MMP16: variants seen among roughly 807,000 people sequenced by gnomAD.
The protein encoded by MMP16 is matrix metallopeptidase 16.
MMP16 carries 12 observed loss-of-function variants against 67.8 expected under a neutral mutation model. That is an observed-to-expected ratio of 0.18 (90% CI 0.11 to 0.29). MMP16 has a LOEUF of 0.29. MMP16 is among the 10% of genes least tolerant of loss of function. The pLI is 1.00. For synonymous variants in MMP16, 249 were observed against 255.9 expected, an observed-to-expected ratio of 0.97 and a Z score of 0.26; for missense variants, 475 against 765.7, an observed-to-expected ratio of 0.62 and a Z score of 4.48.
intron 3 of MMP16, among the ~76,000 whole-genome samples, chr8:88,173,192 C>G (rs1808832515): frequency 6.6e-6 from 1 of 152,044 alleles, no homozygotes; most frequent in Non-Finnish European, 1.5e-5. Context: ...GCTGGGACTA[C>G]AGTTGTGCAC....
chr8:88,264,031 C>CATAT (rs1491101969), intron 1 of MMP16, among the ~76,000 whole-genome samples: 786 of 40,310 alleles, frequency 0.019, 6 homozygotes, highest in African/African-American at 0.026. Flanking sequence ...ACAAAAATGG[C>CATAT]ACATATATAT....
At chr8:88,161,149 A>G (rs1288568174) in intron 4 of MMP16, among the ~76,000 whole-genome samples, 1 of 152,202 alleles carries the variant, frequency 6.6e-6, no homozygotes, top group Non-Finnish European at 1.5e-5. Flanking sequence ...TACCTCTGGT[A>G]GAATTCGGCT....
chr8:88,106,887 G>C (rs1287124588), intron 6 of MMP16, among the ~76,000 whole-genome samples: 1 of 151,010 alleles, frequency 6.6e-6, no homozygotes, highest in Admixed American at 6.6e-5. Flanking sequence ...TTTCAGCCAT[G>C]TAGAAATGTC....
intron 7 of MMP16, among the ~76,000 whole-genome samples, chr8:88,059,435 T>C (rs897626530): frequency 1.3e-5 from 2 of 152,278 alleles, no homozygotes; most frequent in Non-Finnish European, 1.5e-5. Flanking sequence ...CTAGTATCTA[T>C]AGTTATCTGA....
chr8:88,166,456 C>A (rs75848550), intron 4 of MMP16, among the ~76,000 whole-genome samples: 8,357 of 151,436 alleles, frequency 0.055, 362 homozygotes, highest in Admixed American at 0.11. Context: ...ATTAAGTAAC[C>A]ACTCTCATAT....
chr8:88,294,553 T>C (rs967200866), intron 1 of MMP16, among the ~76,000 whole-genome samples: 1 of 151,614 alleles, frequency 6.6e-6, no homozygotes, highest in Admixed American at 6.6e-5. Flanking sequence ...TATGTATATA[T>C]GTCTCTATAC....
At position 88,169,860 on chromosome 8, in the gene MMP16, G is replaced by A. The variant is rs558800787; in HGVS notation, c.405-1887C>T. Among the ~76,000 whole-genome samples the A allele has an allele frequency of 2.0e-5, 3 of 152,240 alleles. No individual in the cohort carries two copies. The East Asian group carries it at 5.8e-4, about 29-fold the overall frequency. ...CGAAGGCCACTCTAAATAGAGTTTG[G>A]CTTTTGCTCTGAGAAATGAAAAACT... On this transcript the variant is annotated intron_variant, in intron 3 of 9. Transcript: ENST00000286614.
In MMP16 at chr8:88,290,552, CA is replaced by C. The variant is rs546607293; in HGVS notation, c.132+36522del. 6.9e-4 allele frequency among the ~76,000 whole-genome samples: 97 copies of C among 141,502 alleles called. 1 individual carries two copies. The highest frequency in any genetic ancestry group is 3.7e-3 in the Middle Eastern group (1 of 268). 92.8% of individuals were successfully genotyped at this position (141,502 alleles called of 152,430 possible). ...TGGGCGACAGAGTGAGACTCCGTCT[CA>C]AAAAAAAAAAATTGACCTAATTATT... On this transcript the variant is annotated intron_variant, in intron 1 of 9. Transcript: ENST00000286614.
chr8:88,191,596 C>T (rs1809169801), intron 2 of MMP16, among the ~76,000 whole-genome samples: 2 of 152,110 alleles, frequency 1.3e-5, no homozygotes, highest in African/African-American at 4.8e-5. Flanking sequence ...AAATAAACAA[C>T]TTCACTGTCC....
In MMP16 at chr8:88,186,602, CAAAAAAAAAAAAA is replaced by C. The variant is rs4043665; in HGVS notation, c.282-17_282-5del. On this transcript the variant is annotated splice_region_variant and splice_polypyrimidine_tract_variant and intron_variant, in intron 2 of 9. Coordinates refer to ENST00000286614, the MANE Select transcript of MMP16 (RefSeq NM_005941.5). ...GCATCGGGGCTTCTTCATCCAGCTG[CAAAAAAAAAAAAA>C]AAAAAAAAAAAGCAGTATTTTCCAG... is the stretch of plus-strand genomic sequence containing the variant. 6 of 1,168,274 alleles carry C rather than the reference CAAAAAAAAAAAAA, an allele frequency of 5.1e-6. No individual in the cohort carries two copies. The highest frequency in any genetic ancestry group is 6.6e-5 in the East Asian group (2 of 30,194). The allele number at this position is 1,168,274 out of a possible 1,614,324, so 72.4% of individuals were successfully genotyped here.
intron 6 of MMP16, among the ~76,000 whole-genome samples, chr8:88,107,593 A>T (rs1247207691): frequency 1.3e-5 from 2 of 151,188 alleles, no homozygotes; most frequent in Non-Finnish European, 3.0e-5. Flanking sequence ...ATTAGAGTGA[A>T]TCTTTTAATC....
At chr8:88,178,385 C>G (rs1808926748) in intron 3 of MMP16, among the ~76,000 whole-genome samples, 1 of 151,952 alleles carries the variant, frequency 6.6e-6, no homozygotes, top group South Asian at 2.1e-4. Flanking sequence ...AGAGAAGAAT[C>G]CAAACAGAAA....
intron 1 of MMP16, among the ~76,000 whole-genome samples, chr8:88,295,634 G>GAA (rs1554592549): frequency 6.6e-6 from 1 of 152,076 alleles, no homozygotes; most frequent in Non-Finnish European, 1.5e-5. Flanking sequence ...ATTAAAGAAA[G>GAA]ATTTTCAAGT....
chr8:88,273,357 T>C (rs866088507), intron 1 of MMP16, among the ~76,000 whole-genome samples: 1 of 151,568 alleles, frequency 6.6e-6, no homozygotes, highest in African/African-American at 2.4e-5. Flanking sequence ...TCCCAAAGTG[T>C]TGGGATTACA....
At chr8:88,305,269 A>T (rs1010653815) in intron 1 of MMP16, among the ~76,000 whole-genome samples, 20 of 152,224 alleles carry the variant, frequency 1.3e-4, no homozygotes, top group Non-Finnish European at 2.5e-4. Flanking sequence ...TATGCACCCA[A>T]TACAGGAGCA....
At chr8:88,049,610 C>T (rs116751200) in intron 8 of MMP16, among the ~76,000 whole-genome samples, 9 of 152,270 alleles carry the variant, frequency 5.9e-5, no homozygotes, top group African/African-American at 1.7e-4. Context: ...GATGCAGCGT[C>T]GGTTTACTTG....
intron 1 of MMP16, among the ~76,000 whole-genome samples, chr8:88,255,758 G>A (rs1810291228): frequency 6.6e-6 from 1 of 152,140 alleles, no homozygotes; most frequent in African/African-American, 2.4e-5. Context: ...TTTTATATAG[G>A]TGCATGAAAC....
chr8:88,114,124 T>C (rs1302566313), intron 6 of MMP16, among the ~76,000 whole-genome samples: 1 of 151,964 alleles, frequency 6.6e-6, no homozygotes, highest in African/African-American at 2.4e-5. Flanking sequence ...TCAGTGTTTT[T>C]ATGAGGTCAG....
At chr8:88,322,681 A>AG (rs1420006887) in intron 1 of MMP16, among the ~76,000 whole-genome samples, 1 of 151,546 alleles carries the variant, frequency 6.6e-6, no homozygotes, top group Non-Finnish European at 1.5e-5. Context: ...TTAAAAAAAA[A>AG]AAAAGAAAAA....
Sources: gnomAD v4.1 joint callset for allele counts (sites outside exome capture counted in the v4.1 genomes callset) on GRCh38, gnomAD v4.1.1 for gene constraint, MANE v1.5 for transcripts, NCBI Gene and HGNC (gene_info 2026-07-23, HGNC 2026-07-21) for gene names.